The following PLA2G3 variants were observed in gnomAD, a reference collection of about 807,000 sequenced individuals.
The protein encoded by PLA2G3 is phospholipase A2 group III.
Under a neutral mutation model 51.3 loss-of-function variants are expected in PLA2G3, and 39 were observed. That is an observed-to-expected ratio of 0.76 (90% CI 0.59 to 0.99). PLA2G3 has a LOEUF of 0.99. Among genes scored for constraint, PLA2G3 ranks in the 50% least tolerant of loss-of-function variants. The pLI is 0.00. For synonymous variants in PLA2G3, 293 were observed against 263.1 expected, an observed-to-expected ratio of 1.11 and a Z score of -1.10; for missense variants, 677 against 662.1, an observed-to-expected ratio of 1.02 and a Z score of -0.25.
chr22:31,137,749 TG>T lies in PLA2G3; in HGVS notation c.1026del (p.Thr343GlnfsTer10). 6.2e-7 allele frequency: 1 copy of T among 1,613,000 alleles called. No individual in the cohort carries two copies. Among genetic ancestry groups the T allele is most frequent in the Non-Finnish European group, 8.5e-7 (1 of 1,179,738 alleles). ...PMVSPRLDVAPTGLQGPQGGL... is the reference protein window; with the variant it reads ...PMVSPRLDVAXTGLQGPQGGL... ...CCACCCTGTGGGCCCTGGAGGCCTG[TG>T]GGGGCCACATCAAGCCTGGGAGAGA... On this transcript the variant is annotated frameshift_variant, in exon 4 of 7. Coordinates refer to ENST00000215885, the MANE Select transcript of PLA2G3 (RefSeq NM_015715.5). LOFTEE classifies it high-confidence loss of function.
At chr22:31,137,134 T>A in intron 4 of PLA2G3, 94 bp from the exon 5 acceptor site, 1 of 1,215,512 alleles carries the variant, frequency 8.2e-7, no homozygotes, top group East Asian at 2.6e-5. Context: ...GCACGTGTGC[T>A]CAGTCACACA....
chr22:31,139,802 C>T lies in PLA2G3; in HGVS notation c.514+39G>A, dbSNP rs773801232. 8.8e-6 allele frequency: 13 copies of T among 1,472,790 alleles called. No individual in the cohort carries two copies. In the Admixed American group the frequency reaches 9.0e-5, roughly 10 times the overall value. 91.2% of individuals were successfully genotyped at this position (1,472,790 alleles called of 1,614,324 possible). A position where few individuals can be genotyped will look rare whatever the true frequency, so the allele number is the denominator to read the frequency against. On this transcript the variant is annotated intron_variant, in intron 1 of 6. Coordinates refer to ENST00000215885, the MANE Select transcript of PLA2G3 (RefSeq NM_015715.5). ...TGGGGCTGAAGAAACCTTGCTTCCC[C>T]GATCGGACCCCCCAGCCCACACACC... is the stretch of plus-strand genomic sequence containing the variant.
At chr22:31,138,922 C>A (rs1298066809) in intron 1 of PLA2G3, 123 bp from the exon 2 acceptor site, 1 of 840,122 alleles carries the variant, frequency 1.2e-6, no homozygotes, top group Non-Finnish European at 1.9e-6. Context: ...GACACAAACG[C>A]CATGAGGGTC....
chr22:31,136,533 C>T lies in PLA2G3; in HGVS notation c.1316+150G>A, dbSNP rs878956826. 32 of 650,752 alleles carry T rather than the reference C, an allele frequency of 4.9e-5. No individual in the cohort carries two copies. The South Asian group carries it at 6.4e-4, about 13-fold the overall frequency. 40.3% of individuals were successfully genotyped at this position (650,752 alleles called of 1,614,324 possible). ...GCCAACTGCAGAGCTGGACCTGGGG[C>T]AGCAGGGGGTAGAGGGATGAGGCTA... On this transcript the variant is annotated intron_variant, in intron 6 of 6. Transcript: ENST00000215885.
In PLA2G3 at chr22:31,135,554, A is replaced by T. The variant is rs1026755808; in HGVS notation, c.*169T>A. 1.6e-5 allele frequency: 10 copies of T among 620,454 alleles called. No homozygotes were observed. The African/African-American group carries it at 1.7e-4, about 10-fold the overall frequency. The allele number at this position is 620,454 out of a possible 1,614,324, so 38.4% of individuals were successfully genotyped here. A position where few individuals can be genotyped will look rare whatever the true frequency, so the allele number is the denominator to read the frequency against. On this transcript the variant is annotated 3_prime_UTR_variant, in exon 7 of 7. Transcript: ENST00000215885. Reference sequence around the variant, plus strand: ...TCAAGGTTACCCAGAACAGCAGGAGATGTGGTCCAGCATTTGGGCCTTGAG... The same window carrying T: ...TCAAGGTTACCCAGAACAGCAGGAGTTGTGGTCCAGCATTTGGGCCTTGAG...
Position 31,135,600 on chromosome 22 carries a change from G to C in PLA2G3, c.*123C>G. On this transcript the variant is annotated 3_prime_UTR_variant, in exon 7 of 7. Coordinates refer to ENST00000215885, the MANE Select transcript of PLA2G3 (RefSeq NM_015715.5). The stretch of plus-strand genomic sequence containing the variant: ...TTGAGATCCCCCCATTCATCCTCTT[G>C]ATTGTCCACAACAGCCTCTGCCATG... The C allele has an allele frequency of 1.4e-6, 1 of 740,456 alleles. No individual in the cohort carries two copies. The highest frequency in any genetic ancestry group is 1.7e-5 in the South Asian group (1 of 59,672). The allele number at this position is 740,456 out of a possible 1,614,324, so 45.9% of individuals were successfully genotyped here.
intron 2 of PLA2G3, 77 bp from the exon 3 acceptor site, chr22:31,138,487 C>T: frequency 6.4e-7 from 1 of 1,569,146 alleles, no homozygotes; most frequent in Non-Finnish European, 8.7e-7. Context: ...TGTGCCACTA[C>T]CAGCTGGGTG....
At position 31,135,676 on chromosome 22, in the gene PLA2G3, GCCATGGGCAAGGT is replaced by G. The variant is rs577193777; in HGVS notation, c.*34_*46del. The stretch of plus-strand genomic sequence containing the variant: ...GCTGAGATTCCCAAGGCTTGGCATA[GCCATGGGCAAGGT>G]CCAGGCTGGTGCCCAGGAAAGCTGA... On this transcript the variant is annotated 3_prime_UTR_variant, in exon 7 of 7. Coordinates refer to ENST00000215885, the MANE Select transcript of PLA2G3 (RefSeq NM_015715.5). 616 of 1,441,906 alleles carry G rather than the reference GCCATGGGCAAGGT, an allele frequency of 4.3e-4. No homozygotes were observed. In the African/African-American group the frequency reaches 5.1e-3, roughly 12 times the overall value. The allele number at this position is 1,441,906 out of a possible 1,614,324, so 89.3% of individuals were successfully genotyped here.
rs766740525 is a variant in PLA2G3, at chr22:31,135,943, G to T, written c.1317-7C>A. The T allele has an allele frequency of 1.2e-6, 2 of 1,610,146 alleles. No homozygotes were observed. Among genetic ancestry groups the T allele is most frequent in the Admixed American group, 1.7e-5 (1 of 60,018 alleles). On this transcript the variant is annotated splice_polypyrimidine_tract_variant and splice_region_variant and intron_variant, in intron 6 of 6. Transcript: ENST00000215885. Reference sequence around the variant, plus strand: ...CCTAGGGTCTCTGGAACAGCTGTAAGGAGAGAAGAGTGGGGCAGATGATCA... The same window carrying T: ...CCTAGGGTCTCTGGAACAGCTGTAATGAGAGAAGAGTGGGGCAGATGATCA...
Position 31,136,988 on chromosome 22 carries a change from G to T in PLA2G3, c.1119C>A (p.His373Gln). The T allele has an allele frequency of 6.4e-7, 1 of 1,569,356 alleles. No homozygotes were observed. Among genetic ancestry groups the T allele is most frequent in the South Asian group, 1.2e-5 (1 of 86,518 alleles). The change falls in exon 5 of 7, where the codon CAC (histidine) becomes CAA (glutamine). Residue 373 changes from histidine (H) to glutamine (Q), a missense_variant. Coordinates refer to ENST00000215885, the MANE Select transcript of PLA2G3 (RefSeq NM_015715.5). ...ACTCGATTTCCCGGGGCCCAATCTGGTGCTCACACTGGTCCAGGTGGCGGC... is the reference window on the plus strand; with the variant it reads ...ACTCGATTTCCCGGGGCCCAATCTGTTGCTCACACTGGTCCAGGTGGCGGC... ...SFRRHLDQCE[H>Q]QIGPREIEFQ...
In PLA2G3 at chr22:31,135,041, C is replaced by G. The variant is rs183279076; in HGVS notation, c.*682G>C. 6.5e-6 allele frequency: 1 copy of G among 152,768 alleles called. No homozygotes were observed. The highest frequency in any genetic ancestry group is 6.5e-5 in the Admixed American group (1 of 15,308). 9.5% of individuals were successfully genotyped at this position (152,768 alleles called of 1,614,324 possible). On this transcript the variant is annotated 3_prime_UTR_variant, in exon 7 of 7. Coordinates refer to ENST00000215885, the MANE Select transcript of PLA2G3 (RefSeq NM_015715.5). ...TCCTCAACAACCCTATGAGGTAGCT[C>G]CTGTTTAGAGACCCCCTTTTTTTAG...
chr22:31,136,865 G>A (rs1180020264), intron 5 of PLA2G3, 43 bp downstream of exon 5: 1 of 1,601,624 alleles, frequency 6.2e-7, no homozygotes, highest in Non-Finnish European at 8.5e-7. Flanking sequence ...TCCCATGCCT[G>A]GCAGCAGGCA....
rs778584183 is a variant in PLA2G3, at chr22:31,138,352, A to T, written c.706T>A (p.Phe236Ile). The T allele has an allele frequency of 6.2e-7, 1 of 1,613,984 alleles. No individual in the cohort carries two copies. The highest frequency in any genetic ancestry group is 8.5e-7 in the Non-Finnish European group (1 of 1,179,982). Residue 236 changes from phenylalanine to isoleucine, a missense_variant, in exon 3 of 7, where the codon TTC becomes ATC. Transcript: ENST00000215885. Reference protein sequence around the residue: ...DSISDIVGVAFFNVLEIPCFV... With the variant: ...DSISDIVGVAIFNVLEIPCFV... Reference sequence around the variant, plus strand: ...CAGGGGATCTCCAGCACGTTGAAGAAGGCCACGCCCACGATGTCCGAGATG... The same window carrying T: ...CAGGGGATCTCCAGCACGTTGAAGATGGCCACGCCCACGATGTCCGAGATG...
intron 2 of PLA2G3, 51 bp downstream of exon 2, chr22:31,138,616 G>A: frequency 6.2e-7 from 1 of 1,609,494 alleles, no homozygotes; most frequent in Non-Finnish European, 8.5e-7. Context: ...CCAGGAACTG[G>A]GTAACTCTGC....
chr22:31,138,809 G>C lies in PLA2G3; in HGVS notation c.515-10C>G, dbSNP rs367722602. On this transcript the variant is annotated splice_polypyrimidine_tract_variant and intron_variant, in intron 1 of 6. Coordinates refer to ENST00000215885, the MANE Select transcript of PLA2G3 (RefSeq NM_015715.5). ...GGTCCCTGGAAGACCCCTGCAGGGA[G>C]GGGAGGGGAGAGGGCACCAACTCAG... 10 of 1,613,198 alleles carry C rather than the reference G, an allele frequency of 6.2e-6. No individual in the cohort carries two copies. The highest frequency in any genetic ancestry group is 8.5e-6 in the Non-Finnish European group (10 of 1,179,504).
Position 31,136,976 on chromosome 22 carries a change from G to A in PLA2G3, c.1131C>T (p.Pro377=), listed in dbSNP as rs1354750080. ...TGAGCAGCTGGAACTCGATTTCCCG[G>A]GGCCCAATCTGGTGCTCACACTGGT... ...HLDQCEHQIG[P]REIEFQLLNS... is the part of the protein sequence containing the mutation. Residue 377 remains proline, a synonymous_variant, in exon 5 of 7, where the codon CCC becomes CCT. Coordinates refer to ENST00000215885, the MANE Select transcript of PLA2G3 (RefSeq NM_015715.5). The A allele has an allele frequency of 6.3e-7, 1 of 1,576,018 alleles. No homozygotes were observed. Among genetic ancestry groups the A allele is most frequent in the Non-Finnish European group, 8.6e-7 (1 of 1,161,302 alleles).
Position 31,135,847 on chromosome 22 carries a change from G to C in PLA2G3, c.1406C>G (p.Thr469Arg), listed in dbSNP as rs1446714165. ...QRRHQLQDKG[T>R]DERQPWPSEP... is the part of the protein sequence containing the mutation. ...TGAAGGCCATGGCTGCCTCTCATCT[G>C]TGCCTTTATCCTGGAGCTGGTGTCG... is the stretch of plus-strand genomic sequence containing the variant. The change falls in exon 7 of 7, where the codon ACA becomes AGA. Residue 469 changes from threonine to arginine, a missense_variant. By Grantham distance (71) the Thr-to-Arg change is moderately conservative. Coordinates refer to ENST00000215885, the MANE Select transcript of PLA2G3 (RefSeq NM_015715.5). The C allele has an allele frequency of 6.2e-7, 1 of 1,613,990 alleles. No homozygotes were observed.
chr22:31,138,424 G>C lies in PLA2G3; in HGVS notation c.648-14C>G. The C allele has an allele frequency of 6.2e-7, 1 of 1,613,472 alleles. No individual in the cohort carries two copies. Among genetic ancestry groups the C allele is most frequent in the Non-Finnish European group, 8.5e-7 (1 of 1,179,708 alleles). On this transcript the variant is annotated splice_polypyrimidine_tract_variant and intron_variant, in intron 2 of 6. Transcript: ENST00000215885. ...CATTGCTGAAACCTGCCCCAGAACA[G>C]ATACCCAGGACCCTGGGGCATGGAG...
In PLA2G3 at chr22:31,137,872, G is replaced by T; in HGVS notation, c.904C>A (p.Pro302Thr). The change falls in exon 4 of 7, where the codon CCT (proline) becomes ACT (threonine). Residue 302 changes from proline to threonine, a missense_variant. Pro to Thr is a conservative substitution (Grantham distance 38). Transcript: ENST00000215885. ...PSSRSPAPPK[P>T]RQKQHLRKGP... ...TTCCGAAGGTGCTGCTTCTGTCGAG[G>T]CTTGGGAGGGGCTGGGCTCCGGGAG... 1 of 1,614,054 alleles carries T rather than the reference G, an allele frequency of 6.2e-7. No homozygotes were observed. Among genetic ancestry groups the T allele is most frequent in the Non-Finnish European group, 8.5e-7 (1 of 1,179,986 alleles).
Sources: gnomAD v4.1 joint callset for allele counts on GRCh38, gnomAD v4.1.1 for gene constraint, MANE v1.5 for transcripts, NCBI Gene and HGNC (gene_info 2026-07-23, HGNC 2026-07-21) for gene names.